The following NUDCD1 variants were observed in gnomAD, a reference collection of about 807,000 sequenced individuals.
NUDCD1 encodes NudC domain containing 1, also known as nudC domain-containing protein 1.
In NUDCD1, 60 loss-of-function variants were observed where a neutral mutation model predicts 67.8. That is an observed-to-expected ratio of 0.88 (90% CI 0.72 to 1.10). The LOEUF is 1.10. NUDCD1 is among the 50% of genes least tolerant of loss of function. NUDCD1 has a pLI of 0.00. For missense variants in NUDCD1, 643 were observed against 695.0 expected (o/e 0.93, Z 0.84); for synonymous variants, 244 against 230.8 (o/e 1.06, Z -0.52).
chr8:109,257,627 G>GA (rs890733030), intron 8 of NUDCD1, among the ~76,000 whole-genome samples: 18 of 150,576 alleles, frequency 1.2e-4, no homozygotes, highest in African/African-American at 3.4e-4. Context: ...ACCTATTTAG[G>GA]AAAAAAAAAT....
intron 2 of NUDCD1, among the ~76,000 whole-genome samples, chr8:109,297,780 A>G (rs539975737): frequency 6.6e-6 from 1 of 152,228 alleles, no homozygotes; most frequent in Non-Finnish European, 1.5e-5. Flanking sequence ...ATGTTTTACA[A>G]GAGAATATAT....
chr8:109,243,120 T>C lies in NUDCD1; in HGVS notation c.1641A>G (p.Val547=). 2.5e-6 allele frequency: 4 copies of C among 1,613,910 alleles called. No homozygotes were observed. Among genetic ancestry groups the C allele is most frequent in the Non-Finnish European group, 3.4e-6 (4 of 1,179,794 alleles). ...RQVGQVAKQQ[V]ASLETNDPIL... is the part of the protein sequence containing the mutation. ...TAGGATCATTGGTTTCTAGGCTTGC[T>C]ACTTGCTGCTTAGCAACCTGTCCTA... is the stretch of plus-strand genomic sequence containing the variant. Residue 547 remains valine (V), a synonymous_variant, in exon 10 of 10, where the codon GTA becomes GTG. Transcript: ENST00000239690.
chr8:109,303,320 A>G (rs545028127), intron 2 of NUDCD1, among the ~76,000 whole-genome samples: 18 of 152,308 alleles, frequency 1.2e-4, no homozygotes, highest in Non-Finnish European at 1.5e-4. Context: ...CTACAGGACC[A>G]TCACAGACAC....
chr8:109,284,882 G>C (rs1586277814), intron 5 of NUDCD1, among the ~76,000 whole-genome samples: 1 of 151,210 alleles, frequency 6.6e-6, no homozygotes, highest in African/African-American at 2.4e-5. Flanking sequence ...ACCAAAAGTT[G>C]GTTTTTTTTT....
At chr8:109,256,156 G>A (rs1453090170) in intron 8 of NUDCD1, among the ~76,000 whole-genome samples, 1 of 152,118 alleles carries the variant, frequency 6.6e-6, no homozygotes, top group Non-Finnish European at 1.5e-5. Context: ...AGGCTGCAGT[G>A]AGCATGCACT....
At chr8:109,333,153 T>A (rs376352092) in intron 1 of NUDCD1, among the ~76,000 whole-genome samples, 1 of 152,228 alleles carries the variant, frequency 6.6e-6, no homozygotes, top group African/African-American at 2.4e-5. Context: ...ATGTCTGTTA[T>A]TATAATTAAC....
intron 8 of NUDCD1, among the ~76,000 whole-genome samples, chr8:109,251,198 G>A (rs1366702654): frequency 7.2e-6 from 1 of 138,952 alleles, no homozygotes; most frequent in African/African-American, 2.6e-5. Context: ...TTTTTGGAGA[G>A]AGTCTCGCTC....
At chr8:109,285,006 C>A (rs1239200379) in intron 5 of NUDCD1, among the ~76,000 whole-genome samples, 1 of 148,198 alleles carries the variant, frequency 6.7e-6, no homozygotes, top group African/African-American at 2.5e-5. Context: ...CACAGAAATA[C>A]AAAAAAAAAA....
rs61752333 is a variant in NUDCD1 at position 109,289,770 on chromosome 8, G to A, written c.804C>T (p.Asp268=). The A allele has an allele frequency of 7.5e-5, 114 of 1,513,928 alleles. No homozygotes were observed. Among genetic ancestry groups the A allele is most frequent in the Non-Finnish European group, 9.5e-5 (105 of 1,100,328 alleles). The allele number at this position is 1,513,928 out of a possible 1,614,324, so 93.8% of individuals were successfully genotyped here. Residue 268 remains aspartate, a synonymous_variant, in exon 5 of 10, where the codon GAC becomes GAT. Transcript: ENST00000239690. ...AATTACCTTTGATTTTCTCTGATAT[G>A]TCTTCATCCATATTTTCTTCAAGAT... ...GQDLEENMDE[D]ISEKIKEPLY...
chr8:109,318,532 A>T (rs186756427), intron 2 of NUDCD1, among the ~76,000 whole-genome samples: 99 of 152,338 alleles, frequency 6.5e-4, no homozygotes, highest in Non-Finnish European at 1.3e-3. Flanking sequence ...TGGCTTATAC[A>T]CATTGGGCCT....
chr8:109,318,958 GTT>G (rs34597876), intron 2 of NUDCD1, among the ~76,000 whole-genome samples: 13,350 of 131,360 alleles, frequency 0.1, 603 homozygotes, highest in Middle Eastern at 0.14. Context: ...CCCATTTTAT[GTT>G]TTTTTTTTTT....
chr8:109,292,518 T>A (rs16879288), intron 4 of NUDCD1, among the ~76,000 whole-genome samples: 14,869 of 152,098 alleles, frequency 0.098, 770 homozygotes, highest in Middle Eastern at 0.14. Flanking sequence ...CTAGCAGCTA[T>A]GGTAAAGAAA....
At chr8:109,255,274 A>G (rs2926209) in intron 8 of NUDCD1, among the ~76,000 whole-genome samples, 81,151 of 151,932 alleles carry the variant, frequency 0.53, 23,202 homozygotes, top group African/African-American at 0.74. Flanking sequence ...TAAGTTGTTC[A>G]TCTATTTTGT....
chr8:109,243,884 C>T (rs1458477491), intron 9 of NUDCD1, among the ~76,000 whole-genome samples: 11 of 151,666 alleles, frequency 7.3e-5, no homozygotes, highest in African/African-American at 2.7e-4. Context: ...ACTTTTAGCC[C>T]CCACAAGTAG....
At chr8:109,297,899 A>G (rs999631717) in intron 2 of NUDCD1, among the ~76,000 whole-genome samples, 23 of 152,260 alleles carry the variant, frequency 1.5e-4, no homozygotes, top group African/African-American at 3.6e-4. Flanking sequence ...TCTATAGGAG[A>G]AAAGTAATCC....
In NUDCD1 at chr8:109,254,297, A is replaced by G. The variant is rs546505063; in HGVS notation, c.1300-8816T>C. Among the ~76,000 whole-genome samples, 7 of 152,346 alleles carry G rather than the reference A, an allele frequency of 4.6e-5. No individual in the cohort carries two copies. In the South Asian group the frequency reaches 8.3e-4, roughly 18 times the overall value. On this transcript the variant is annotated intron_variant, in intron 8 of 9. Transcript: ENST00000239690. Reference sequence around the variant, plus strand: ...GGTAATTAATGTTCATTCTGATGATATGTAACCATCAACAAAATGTTACTT... The same window carrying G: ...GGTAATTAATGTTCATTCTGATGATGTGTAACCATCAACAAAATGTTACTT...
intron 2 of NUDCD1, among the ~76,000 whole-genome samples, chr8:109,321,752 C>T (rs189237605): frequency 3.9e-5 from 6 of 151,970 alleles, no homozygotes; most frequent in Admixed American, 2.6e-4. Flanking sequence ...ACTTTAAAAA[C>T]AAGAACACTG....
At chr8:109,313,952 C>T (rs1323599349) in intron 2 of NUDCD1, 2 of 415,698 alleles carry the variant, frequency 4.8e-6, no homozygotes, top group East Asian at 1.5e-4. Context: ...CTCTTACTTG[C>T]ATTAATGACA....
rs575666727 is a variant in NUDCD1 at position 109,334,058 on chromosome 8, G to T, written c.-48C>A. 1.2e-6 allele frequency: 2 copies of T among 1,611,312 alleles called. No individual in the cohort carries two copies. Among genetic ancestry groups the T allele is most frequent in the South Asian group, 1.1e-5 (1 of 90,884 alleles). ...AGAATTAATAAAGCCCTTGTTGAAA[G>T]GTCCGCGCTTCACGCCTCGCACAGA... is the stretch of plus-strand genomic sequence containing the variant. On this transcript the variant is annotated 5_prime_UTR_variant, in exon 1 of 10. Transcript: ENST00000239690.
Sources: gnomAD v4.1 joint callset for allele counts (sites outside exome capture counted in the v4.1 genomes callset) on GRCh38, gnomAD v4.1.1 for gene constraint, MANE v1.5 for transcripts, NCBI Gene and HGNC (gene_info 2026-07-23, HGNC 2026-07-21) for gene names.